Variants in USP46 observed in about 807,000 individuals in gnomAD.
USP46 encodes the protein ubiquitin specific peptidase 46, also known as ubiquitin carboxyl-terminal hydrolase 46.
A neutral mutation model predicts 44.4 loss-of-function variants in USP46; 12 were observed. The observed-to-expected ratio is 0.27, with a 90% CI of 0.17 to 0.44. The LOEUF (loss-of-function observed/expected upper bound fraction) is 0.44. Among genes scored for constraint, USP46 ranks in the 20% least tolerant of loss-of-function variants. The pLI is 1.00. For synonymous variants in USP46, 155 were observed against 161.5 expected (o/e 0.96, Z 0.31); for missense variants, 248 against 444.8 (o/e 0.56, Z 3.98).
At chr4:52,655,198 G>A (rs1042114099) in intron 1 of USP46, 6 of 152,192 alleles carry the variant, frequency 3.9e-5, no homozygotes, top group African/African-American at 7.2e-5. Context: ...ACTTCTATCT[G>A]TGCTGATATA....
intron 4 of USP46, among the ~76,000 whole-genome samples, chr4:52,616,057 CT>C (rs1302277445): frequency 6.6e-6 from 1 of 152,168 alleles, no homozygotes; most frequent in East Asian, 1.9e-4. Context: ...ACCAACATAT[CT>C]AACTAACAAT....
In USP46 at chr4:52,593,745, C is replaced by T. The variant is rs761764980; in HGVS notation, c.*3895G>A. ...TCACAGTCCTACTCCTTCCTAGAAACCAGATACTGGAAGCTGCCTTCTTAT... is the reference window on the plus strand; with the variant it reads ...TCACAGTCCTACTCCTTCCTAGAAATCAGATACTGGAAGCTGCCTTCTTAT... On this transcript the variant is annotated 3_prime_UTR_variant, in exon 9 of 9. Transcript: ENST00000441222. 6.6e-6 allele frequency: 1 copy of T among 152,232 alleles called. No individual in the cohort carries two copies. Among genetic ancestry groups the T allele is most frequent in the South Asian group, 2.1e-4 (1 of 4,832 alleles). 9.4% of individuals were successfully genotyped at this position (152,232 alleles called of 1,614,324 possible). A position where few individuals can be genotyped will look rare whatever the true frequency, so the allele number is the denominator to read the frequency against.
intron 5 of USP46, among the ~76,000 whole-genome samples, chr4:52,610,146 G>C (rs898307406): frequency 6.6e-6 from 1 of 150,824 alleles, no homozygotes. Flanking sequence ...GGATGGTCTC[G>C]ATCTCCTGAC....
intron 1 of USP46, among the ~76,000 whole-genome samples, chr4:52,638,187 G>A (rs2109650014): frequency 6.6e-6 from 1 of 152,312 alleles, no homozygotes; most frequent in East Asian, 1.9e-4. Flanking sequence ...ATAATTACAA[G>A]TGACTTCAAG....
At chr4:52,614,541 G>A (rs1717050322) in intron 4 of USP46, among the ~76,000 whole-genome samples, 1 of 152,116 alleles carries the variant, frequency 6.6e-6, no homozygotes, top group African/African-American at 2.4e-5. Context: ...TGATTAGCCT[G>A]GAATTCCTAT....
chr4:52,607,400 G>C (rs1716728900), intron 5 of USP46, among the ~76,000 whole-genome samples: 1 of 152,194 alleles, frequency 6.6e-6, no homozygotes, highest in South Asian at 2.1e-4. Flanking sequence ...TCTTCAATGA[G>C]AAAGACAAGA....
At chr4:52,656,652 C>A in intron 1 of USP46, 2 of 991,536 alleles carry the variant, frequency 2.0e-6, no homozygotes, top group South Asian at 7.4e-5. Flanking sequence ...AGGCCCTGTG[C>A]CCGAGTAATA....
chr4:52,611,984 G>A (rs1334492920), intron 4 of USP46, among the ~76,000 whole-genome samples: 3 of 152,170 alleles, frequency 2.0e-5, no homozygotes, highest in African/African-American at 7.2e-5. Flanking sequence ...TAAAGTCGAT[G>A]GCTTCAGGCC....
At chr4:52,619,558 C>T (rs918906102) in intron 4 of USP46, among the ~76,000 whole-genome samples, 17 of 152,202 alleles carry the variant, frequency 1.1e-4, no homozygotes, top group African/African-American at 1.7e-4. Context: ...AAAAGAGGCT[C>T]CCTGTTTTTC....
intron 6 of USP46, among the ~76,000 whole-genome samples, chr4:52,603,649 T>A (rs1243240135): frequency 6.6e-6 from 1 of 152,120 alleles, no homozygotes; most frequent in East Asian, 1.9e-4. Flanking sequence ...GGAAAGGTGG[T>A]GCAATAACTT....
At chr4:52,605,685 T>C (rs1716660991) in intron 5 of USP46, among the ~76,000 whole-genome samples, 1 of 152,068 alleles carries the variant, frequency 6.6e-6, no homozygotes, top group Non-Finnish European at 1.5e-5. Context: ...TTAACAGAGA[T>C]GTGTGCAAAT....
At chr4:52,602,108 A>G in intron 6 of USP46, 54 bp from the exon 7 acceptor site, 2 of 1,551,676 alleles carry the variant, frequency 1.3e-6, no homozygotes, top group South Asian at 1.2e-5. Context: ...TTAGGGGAAG[A>G]GAATACACTG....
At chr4:52,628,402 T>G (rs1161627169) in intron 2 of USP46, 7 of 461,358 alleles carry the variant, frequency 1.5e-5, no homozygotes, top group Non-Finnish European at 2.7e-5. Context: ...CATCAAAGTC[T>G]CTAAAATGAT....
intron 4 of USP46, among the ~76,000 whole-genome samples, chr4:52,618,022 T>C (rs1227550450): frequency 2.0e-5 from 3 of 152,206 alleles, no homozygotes; most frequent in Non-Finnish European, 4.4e-5. Context: ...AATCAGTTAG[T>C]AAAATAGATT....
Position 52,659,070 on chromosome 4 carries a change from C to G in USP46, c.36+45G>C, listed in dbSNP as rs764116849. On this transcript the variant is annotated intron_variant, in intron 1 of 8. Coordinates refer to ENST00000441222, the MANE Select transcript of USP46 (RefSeq NM_022832.4). This position sits in a 1 kb window ranked among gnomAD's most constrained non-coding sequence, Gnocchi z 4.2. Reference sequence around the variant, plus strand: ...GCAGCTCGGGCTTCCCTTTCTTTGCCTCGCCGCGAGTCGGGCGCGACCCCG... The same window carrying G: ...GCAGCTCGGGCTTCCCTTTCTTTGCGTCGCCGCGAGTCGGGCGCGACCCCG... 6.5e-7 allele frequency: 1 copy of G among 1,536,246 alleles called. No homozygotes were observed. The highest frequency in any genetic ancestry group is 2.0e-5 in the Admixed American group (1 of 49,476).
chr4:52,625,955 C>T (rs1717567399), intron 4 of USP46, 63 bp downstream of exon 4: 7 of 1,437,438 alleles, frequency 4.9e-6, no homozygotes, highest in Admixed American at 2.0e-5. Context: ...ATTGCAATCA[C>T]ATGCAACATA....
At chr4:52,606,016 G>A (rs200937024) in intron 5 of USP46, among the ~76,000 whole-genome samples, 2 of 152,270 alleles carry the variant, frequency 1.3e-5, no homozygotes, top group Admixed American at 6.5e-5. Flanking sequence ...TCACATTGCC[G>A]TCTTATTTCT....
rs6836691 is a variant in USP46 at position 52,645,948 on chromosome 4, G to A, written c.36+13167C>T. Among the ~76,000 whole-genome samples, 1,295 of 150,072 alleles carry A rather than the reference G, an allele frequency of 8.6e-3. 18 individuals carry two copies. Among genetic ancestry groups the A allele is most frequent in the African/African-American group, 0.03 (1,230 of 40,922 alleles). On this transcript the variant is annotated intron_variant, in intron 1 of 8. Transcript: ENST00000441222. ...CTCTCCTGCTCCACCATGGTAAGAT[G>A]TGCCTGCTTTCCCTACACCTTCTGC...
Position 52,595,900 on chromosome 4 carries a change from C to A in USP46, c.*1740G>T, listed in dbSNP as rs1002840756. 6.6e-6 allele frequency: 1 copy of A among 152,436 alleles called. No individual in the cohort carries two copies. The highest frequency in any genetic ancestry group is 2.4e-5 in the African/African-American group (1 of 41,376). The allele number at this position is 152,436 out of a possible 1,614,324, so 9.4% of individuals were successfully genotyped here. A position where few individuals can be genotyped will look rare whatever the true frequency, so the allele number is the denominator to read the frequency against. On this transcript the variant is annotated 3_prime_UTR_variant, in exon 9 of 9. Transcript: ENST00000441222. Reference sequence around the variant, plus strand: ...CTCACCTTCCAGGTAGTGATTACTGCGTAAGTTTCATGGAGGAAAAAAAAA... The same window carrying A: ...CTCACCTTCCAGGTAGTGATTACTGAGTAAGTTTCATGGAGGAAAAAAAAA...
Sources: gnomAD v4.1 joint callset for allele counts (sites outside exome capture counted in the v4.1 genomes callset) on GRCh38, gnomAD v4.1.1 for gene constraint, Gnocchi (gnomAD v3.1) non-coding constraint, MANE v1.5 for transcripts, NCBI Gene and HGNC (gene_info 2026-07-23, HGNC 2026-07-21) for gene names.